The following AVEN variants were observed in gnomAD, a reference collection of about 807,000 sequenced individuals.
AVEN encodes the protein cell death regulator Aven.
AVEN carries 41 observed loss-of-function variants against 38.1 expected under a neutral mutation model. The ratio of observed to expected loss-of-function variants is 1.08; its 90% CI spans 0.84 to 1.40. AVEN has a LOEUF of 1.40. Among genes scored for constraint, AVEN ranks in the 40% most tolerant of loss-of-function variants. AVEN has a pLI of 0.00. For synonymous variants in AVEN, 206 were observed against 171.8 expected (o/e 1.20, Z -1.56); for missense variants, 605 against 438.8 (o/e 1.38, Z -3.38).
chr15:33,982,684 T>C (rs966238452), intron 2 of AVEN, among the ~76,000 whole-genome samples: 1 of 152,222 alleles, frequency 6.6e-6, no homozygotes, highest in Non-Finnish European at 1.5e-5. Flanking sequence ...TTTGTTTAGG[T>C]TATGGCATTT....
At chr15:33,918,512 A>G (rs10775217) in intron 2 of AVEN, among the ~76,000 whole-genome samples, 101,696 of 140,134 alleles carry the variant, frequency 0.73, 36,738 homozygotes, top group Middle Eastern at 0.82. Context: ...TGTCACCCAG[A>G]TTGAAGTGCA....
intron 2 of AVEN, among the ~76,000 whole-genome samples, chr15:33,895,259 G>T (rs1390391218): frequency 7.2e-6 from 1 of 138,646 alleles, no homozygotes; most frequent in Non-Finnish European, 1.6e-5. Flanking sequence ...TTCTGCAATG[G>T]TTTATATTTT....
chr15:33,862,482 C>T (rs148751861), downstream of AVEN, among the ~76,000 whole-genome samples: 124 of 152,276 alleles, frequency 8.1e-4, no homozygotes, highest in Non-Finnish European at 1.6e-3. Flanking sequence ...GCTGGGATTA[C>T]GGGTGTGAGC....
chr15:33,930,074 G>A (rs1470239779), intron 2 of AVEN, among the ~76,000 whole-genome samples: 2 of 152,138 alleles, frequency 1.3e-5, no homozygotes, highest in Non-Finnish European at 2.9e-5. Context: ...GTGTCTTGAC[G>A]AACAGATTAG....
intron 2 of AVEN, among the ~76,000 whole-genome samples, chr15:33,952,759 T>C (rs72716899): frequency 0.022 from 3,416 of 151,948 alleles, 97 homozygotes; most frequent in Non-Finnish European, 0.023. Flanking sequence ...CCAATAAGTA[T>C]GTCTGAATGC....
chr15:34,071,595 T>A (rs1334087982), intron 1 of AVEN, among the ~76,000 whole-genome samples: 2 of 152,130 alleles, frequency 1.3e-5, no homozygotes, highest in Non-Finnish European at 2.9e-5. Flanking sequence ...TTTTTAGTAG[T>A]TCCATGTGTA....
chr15:33,857,886 C>G (rs769101674), downstream of AVEN: 8 of 1,614,008 alleles, frequency 5.0e-6, no homozygotes, highest in Non-Finnish European at 6.8e-6. Context: ...GATGACGAGC[C>G]CGATATGAAG....
intron 1 of AVEN, among the ~76,000 whole-genome samples, chr15:34,015,063 TC>T (rs545011483): frequency 3.9e-4 from 60 of 152,168 alleles, no homozygotes; most frequent in African/African-American, 1.2e-3. Flanking sequence ...TAACAGTGTG[TC>T]TCCCTTCTAA....
At chr15:34,073,840 C>G (rs1232866810) in intron 1 of AVEN, among the ~76,000 whole-genome samples, 1 of 151,928 alleles carries the variant, frequency 6.6e-6, no homozygotes, top group East Asian at 1.9e-4. Context: ...TTATCCATAA[C>G]TAAACGTAGA....
intron 5 of AVEN, chr15:34,062,820 G>A (rs769123399): frequency 6.2e-7 from 1 of 1,614,210 alleles, no homozygotes; most frequent in Non-Finnish European, 8.5e-7. Flanking sequence ...CACCATTGCA[G>A]CTGTGACTGC....
rs1194583310 is a variant in AVEN at position 33,859,875 on chromosome 15, A to G, written n.2730-781T>C. 58 of 910,386 alleles carry G rather than the reference A, an allele frequency of 6.4e-5. No individual in the cohort carries two copies. The Admixed American group carries it at 9.2e-4, about 14-fold the overall frequency. The allele number at this position is 910,386 out of a possible 1,614,324, so 56.4% of individuals were successfully genotyped here. ...AGCAAGAACTAATTTAGCATCTACT[A>G]TACCTGAGGCTTTGGCTATATATAA... On this transcript the variant is annotated intron_variant and non_coding_transcript_variant, in intron 11 of 11. Transcript: ENST00000675287.
intron 2 of AVEN, chr15:34,067,573 G>A (rs1032498503): frequency 5.3e-5 from 8 of 152,156 alleles, no homozygotes; most frequent in African/African-American, 1.9e-4. Flanking sequence ...CAAGAAAGTT[G>A]GGATTGATAC....
At chr15:34,024,856 T>C (rs2339351) in intron 1 of AVEN, among the ~76,000 whole-genome samples, 2 of 146,304 alleles carry the variant, frequency 1.4e-5, no homozygotes, top group Non-Finnish European at 3.0e-5. Flanking sequence ...GCAAGACTCC[T>C]TCTCAAAAAA....
At chr15:34,002,045 A>G (rs966625826) in intron 2 of AVEN, among the ~76,000 whole-genome samples, 13 of 152,212 alleles carry the variant, frequency 8.5e-5, no homozygotes, top group African/African-American at 3.1e-4. Flanking sequence ...ATAATACAGA[A>G]AGATCTCTTG....
At chr15:34,015,114 C>A (rs1897827790) in intron 1 of AVEN, among the ~76,000 whole-genome samples, 1 of 152,080 alleles carries the variant, frequency 6.6e-6, no homozygotes, top group African/African-American at 2.4e-5. Context: ...TGAGCAACAA[C>A]AAAGGATCAC....
At chr15:33,868,054 T>G (rs1890764827) in intron 4 of AVEN, among the ~76,000 whole-genome samples, 199 bp from the exon 5 acceptor site, 1 of 152,182 alleles carries the variant, frequency 6.6e-6, no homozygotes, top group Admixed American at 6.5e-5. Context: ...GAGACCTCAC[T>G]GAAACATGCC....
intron 2 of AVEN, among the ~76,000 whole-genome samples, chr15:33,940,786 C>A (rs1894287896): frequency 6.6e-6 from 1 of 152,144 alleles, no homozygotes; most frequent in Non-Finnish European, 1.5e-5. Flanking sequence ...GTGATCCACC[C>A]ACTTTGGCCT....
chr15:34,039,220 GGGGCGGCCGGCGT>G, upstream of AVEN: 2 of 449,486 alleles, frequency 4.4e-6, no homozygotes, highest in Non-Finnish European at 6.0e-6. Context: ...GGGGCGGGGC[GGGGCGGCCGGCGT>G]CCCGCAGGTG....
At chr15:34,055,231 G>A (rs1900090206) in intron 5 of AVEN, among the ~76,000 whole-genome samples, 1 of 151,326 alleles carries the variant, frequency 6.6e-6, no homozygotes, top group Non-Finnish European at 1.5e-5. Flanking sequence ...AGGCCCGGTA[G>A]CTCGCACCTG....
Sources: gnomAD v4.1 joint callset for allele counts (sites outside exome capture counted in the v4.1 genomes callset) on GRCh38, gnomAD v4.1.1 for gene constraint, MANE v1.5 for transcripts, NCBI Gene and HGNC (gene_info 2026-07-23, HGNC 2026-07-21) for gene names.